Variants in SMARCAL1 observed in about 807,000 individuals in gnomAD.
SMARCAL1 encodes the protein SNF2 related chromatin remodeling annealing helicase 1.
A neutral mutation model predicts 94.5 loss-of-function variants in SMARCAL1; 58 were observed. The observed-to-expected ratio is 0.61, with a 90% CI of 0.50 to 0.76. The LOEUF (loss-of-function observed/expected upper bound fraction) is 0.76. Ranked by LOEUF, SMARCAL1 falls within the 30% of genes least tolerant of loss-of-function variation. SMARCAL1 has a pLI of 0.00. For missense variants in SMARCAL1, 1,051 were observed against 1,177.9 expected (o/e 0.89, Z 1.58); for synonymous variants, 422 against 455.1 (o/e 0.93, Z 0.93).
rs1574484457 is a variant in SMARCAL1, at chr2:216,475,615, A to C, written c.2427+164A>C. 1.3e-5 allele frequency among the ~76,000 whole-genome samples: 2 copies of C among 151,974 alleles called. No individual in the cohort carries two copies. ...TTAAGCACTTCTATGTTGATTGACTAGTCTCTTTTTTTCTTTTTTTGAGAC... is the reference window on the plus strand; with the variant it reads ...TTAAGCACTTCTATGTTGATTGACTCGTCTCTTTTTTTCTTTTTTTGAGAC... On this transcript the variant is annotated intron_variant, in intron 15 of 17. Transcript: ENST00000357276. This position sits in a 1 kb window ranked among gnomAD's most constrained non-coding sequence, Gnocchi z 4.4.
At chr2:216,471,910 C>T (rs551819392) in intron 14 of SMARCAL1, among the ~76,000 whole-genome samples, 3 of 152,072 alleles carry the variant, frequency 2.0e-5, no homozygotes, top group Admixed American at 6.6e-5. Flanking sequence ...TAATGTTGAT[C>T]AGTGGTTCCT....
chr2:216,463,915 G>C (rs900347983), intron 12 of SMARCAL1, among the ~76,000 whole-genome samples: 1 of 152,156 alleles, frequency 6.6e-6, no homozygotes, highest in Admixed American at 6.5e-5. Context: ...GGTGGCACAT[G>C]CCTGTAAGTC....
chr2:216,441,202 A>T (rs1694190168), intron 10 of SMARCAL1, among the ~76,000 whole-genome samples: 1 of 152,194 alleles, frequency 6.6e-6, no homozygotes, highest in African/African-American at 2.4e-5. Flanking sequence ...GTTGGATAGC[A>T]GGGCCAGATC....
chr2:216,426,022 C>T (rs1015347527), intron 6 of SMARCAL1, among the ~76,000 whole-genome samples: 2 of 152,142 alleles, frequency 1.3e-5, no homozygotes, highest in African/African-American at 2.4e-5. Flanking sequence ...TCCCCATGGC[C>T]GGCTAATTTT....
chr2:216,426,429 A>G (rs1376044389), intron 6 of SMARCAL1, among the ~76,000 whole-genome samples: 1 of 152,218 alleles, frequency 6.6e-6, no homozygotes, highest in Non-Finnish European at 1.5e-5. Flanking sequence ...CTTCACCCAG[A>G]AAAAAATGCA....
Position 216,428,654 on chromosome 2 carries a change from C to T in SMARCAL1, c.1206C>T (p.Thr402=), listed in dbSNP as rs1221504270. The T allele has an allele frequency of 6.2e-7, 1 of 1,614,232 alleles. No individual in the cohort carries two copies. Among genetic ancestry groups the T allele is most frequent in the Non-Finnish European group, 8.5e-7 (1 of 1,180,034 alleles). ...TGGACCCTCTGCCCACGACTCTCAC[C>T]CTGGCGTTTGCTTCTCAGCTCAAGA... ...VQLDPLPTTL[T]LAFASQLKKT... The change falls in exon 7 of 18, where the codon ACC becomes ACT. Residue 402 remains threonine, a synonymous_variant. Transcript: ENST00000357276.
rs565570386 is a variant in SMARCAL1, at chr2:216,468,107, A to G, written c.2244+61A>G. The stretch of plus-strand genomic sequence containing the variant: ...TGCCATGTCCCAAGTTGTTCTAAGC[A>G]GGCTTAGGTCAGATCCAAGCAAAGT... On this transcript the variant is annotated intron_variant, in intron 14 of 17. Coordinates refer to ENST00000357276, the MANE Select transcript of SMARCAL1 (RefSeq NM_014140.4). 4.4e-5 allele frequency: 52 copies of G among 1,185,990 alleles called. No individual in the cohort carries two copies. The African/African-American group carries it at 6.9e-4, about 16-fold the overall frequency. The allele number at this position is 1,185,990 out of a possible 1,614,324, so 73.5% of individuals were successfully genotyped here. A position where few individuals can be genotyped will look rare whatever the true frequency, so the allele number is the denominator to read the frequency against.
chr2:216,441,748 G>A (rs761422085), intron 10 of SMARCAL1, among the ~76,000 whole-genome samples: 2 of 152,118 alleles, frequency 1.3e-5, no homozygotes, highest in Non-Finnish European at 2.9e-5. Flanking sequence ...GTCCAGTCTG[G>A]CCAGGCATAA....
Position 216,451,225 on chromosome 2 carries a change from T to A in SMARCAL1, c.2070+161T>A, listed in dbSNP as rs1264799786. The A allele has an allele frequency of 3.2e-5, 22 of 686,934 alleles. No individual in the cohort carries two copies. In the South Asian group the frequency reaches 3.6e-4, roughly 11 times the overall value. The allele number at this position is 686,934 out of a possible 1,614,324, so 42.6% of individuals were successfully genotyped here. ...AGCAAGTCCATTTCATTCCTCAGCC[T>A]ACCTAGTCAGTTTTGAAAAATCTCA... is the stretch of plus-strand genomic sequence containing the variant. On this transcript the variant is annotated intron_variant, in intron 12 of 17. Transcript: ENST00000357276.
In SMARCAL1 at chr2:216,415,023, G is replaced by A; in HGVS notation, c.319G>A (p.Ala107Thr). ...IWKKPEEMPTACPGHSPRSQM... is the reference protein window; with the variant it reads ...IWKKPEEMPTTCPGHSPRSQM... Reference sequence around the variant, plus strand: ...GAAAAAGCCAGAAGAAATGCCCACAGCCTGCCCAGGCCACAGTCCACGTAG... The same window carrying A: ...GAAAAAGCCAGAAGAAATGCCCACAACCTGCCCAGGCCACAGTCCACGTAG... Residue 107 changes from alanine (A) to threonine (T), a missense_variant, in exon 3 of 18, where the codon GCC (alanine) becomes ACC (threonine). By Grantham distance (58) the Ala-to-Thr change is moderately conservative. This residue lies in a region of SMARCAL1 where 398 missense variants were observed against 395.2 expected (regional missense o/e 1.01). Coordinates refer to ENST00000357276, the MANE Select transcript of SMARCAL1 (RefSeq NM_014140.4). The A allele has an allele frequency of 6.2e-7, 1 of 1,614,186 alleles. No homozygotes were observed. The highest frequency in any genetic ancestry group is 8.5e-7 in the Non-Finnish European group (1 of 1,180,034).
At chr2:216,447,823 CT>C (rs1376293820) in intron 11 of SMARCAL1, among the ~76,000 whole-genome samples, 1 of 152,194 alleles carries the variant, frequency 6.6e-6, no homozygotes, top group Non-Finnish European at 1.5e-5. Context: ...CAGGGAAGCC[CT>C]GTAAACACCA....
chr2:216,448,447 T>C (rs188393290), intron 11 of SMARCAL1, among the ~76,000 whole-genome samples: 3 of 152,300 alleles, frequency 2.0e-5, no homozygotes, highest in African/African-American at 4.8e-5. Flanking sequence ...CCCCAAACTG[T>C]CCCTTCCTAT....
intron 9 of SMARCAL1, among the ~76,000 whole-genome samples, chr2:216,437,115 C>A (rs1171768841): frequency 6.6e-6 from 1 of 152,234 alleles, no homozygotes; most frequent in Non-Finnish European, 1.5e-5. Context: ...TGAAGTGTCA[C>A]ACTTTTCAGA....
intron 3 of SMARCAL1, chr2:216,415,963 T>C: frequency 2.3e-6 from 1 of 434,084 alleles, no homozygotes; most frequent in Non-Finnish European, 4.3e-6. Context: ...TCATACTGCT[T>C]TGCCTGACCA....
intron 14 of SMARCAL1, among the ~76,000 whole-genome samples, chr2:216,468,592 CT>C (rs1438640849): frequency 6.6e-6 from 1 of 152,152 alleles, no homozygotes; most frequent in Non-Finnish European, 1.5e-5. Context: ...AAATTTAAGG[CT>C]GTAAATTGCT....
intron 14 of SMARCAL1, among the ~76,000 whole-genome samples, chr2:216,474,117 T>G (rs1695019036): frequency 6.6e-6 from 1 of 150,996 alleles, no homozygotes; most frequent in Admixed American, 6.6e-5. Flanking sequence ...ATATAACATT[T>G]GTATAGCATT....
chr2:216,438,559 C>T, intron 10 of SMARCAL1, 74 bp downstream of exon 10: 2 of 1,317,632 alleles, frequency 1.5e-6, no homozygotes, highest in East Asian at 2.4e-5. Flanking sequence ...GCATGTCGTC[C>T]TAGTCCAGCA....
chr2:216,471,720 C>T (rs1302383443), intron 14 of SMARCAL1, among the ~76,000 whole-genome samples: 3 of 152,070 alleles, frequency 2.0e-5, no homozygotes, highest in Admixed American at 1.3e-4. Context: ...TAAATTAAGG[C>T]GTGCACTCAA....
intron 10 of SMARCAL1, among the ~76,000 whole-genome samples, chr2:216,442,893 T>C (rs1243851614): frequency 6.6e-6 from 1 of 152,182 alleles, no homozygotes; most frequent in African/African-American, 2.4e-5. Flanking sequence ...TTTTTGCCTA[T>C]CAGGCCAGAG....
Sources: gnomAD v4.1 joint callset for allele counts (sites outside exome capture counted in the v4.1 genomes callset) on GRCh38, gnomAD v4.1.1 for gene constraint, gnomAD v4.1.1 regional missense constraint, Gnocchi (gnomAD v3.1) non-coding constraint, MANE v1.5 for transcripts, NCBI Gene and HGNC (gene_info 2026-07-23, HGNC 2026-07-21) for gene names.